The following LGI2 variants were observed in gnomAD, a reference collection of about 807,000 sequenced individuals.
The protein encoded by LGI2 is leucine-rich repeat LGI family member 2.
Under a neutral mutation model 52.0 loss-of-function variants are expected in LGI2, and 30 were observed. The observed-to-expected ratio is 0.58, with a 90% CI of 0.43 to 0.78. The LOEUF is 0.78. LGI2 is among the 30% of genes least tolerant of loss of function. LGI2 has a pLI of 0.00. For synonymous variants in LGI2, 270 were observed against 271.8 expected, an observed-to-expected ratio of 0.99 and a Z score of 0.06; for missense variants, 573 against 692.5, an observed-to-expected ratio of 0.83 and a Z score of 1.94.
intron 7 of LGI2, among the ~76,000 whole-genome samples, chr4:25,010,495 A>T (rs1725544388): frequency 1.3e-5 from 2 of 152,302 alleles, no homozygotes; most frequent in Non-Finnish European, 1.5e-5. Context: ...CTCAATCCTC[A>T]TAGCATCCAC....
chr4:25,018,859 C>T (rs1725856717), intron 5 of LGI2, among the ~76,000 whole-genome samples: 2 of 146,674 alleles, frequency 1.4e-5, no homozygotes, highest in Admixed American at 1.3e-4. Context: ...AAGACTACAT[C>T]TAAAAAAAAA....
chr4:25,011,484 C>T (rs1471649160), intron 7 of LGI2, among the ~76,000 whole-genome samples: 1 of 152,028 alleles, frequency 6.6e-6, no homozygotes, highest in Non-Finnish European at 1.5e-5. Flanking sequence ...TCCCTGCCTC[C>T]CCACATCCCT....
chr4:25,022,298 A>G (rs566875665), intron 4 of LGI2, among the ~76,000 whole-genome samples: 2 of 152,330 alleles, frequency 1.3e-5, no homozygotes, highest in South Asian at 4.1e-4. Flanking sequence ...GAAAAGGCAG[A>G]TGAGAGAGAG....
At chr4:25,009,393 T>C (rs1425457048) in intron 7 of LGI2, among the ~76,000 whole-genome samples, 1 of 152,144 alleles carries the variant, frequency 6.6e-6, no homozygotes, top group Non-Finnish European at 1.5e-5. Context: ...ACAGGTCTTA[T>C]TCAAGTAGCA....
intron 4 of LGI2, among the ~76,000 whole-genome samples, chr4:25,021,912 CAG>C (rs1218853905): frequency 1.6e-5 from 2 of 122,456 alleles, no homozygotes; most frequent in African/African-American, 6.7e-5. Flanking sequence ...GCCTAGGTAG[CAG>C]AGAGAGATTC....
chr4:25,017,182 C>T (rs1293592614), intron 6 of LGI2, among the ~76,000 whole-genome samples: 1 of 151,930 alleles, frequency 6.6e-6, no homozygotes, highest in Non-Finnish European at 1.5e-5. Flanking sequence ...TCTATTTTGC[C>T]ATTGGTTATA....
rs140661572 is a variant in LGI2, at chr4:25,025,890, T to C, written c.341+978A>G. Reference sequence around the variant, plus strand: ...ATGAACTATCGTAAGAGAAAACTCATAGCTTTACAACTGCTACCTCCATTG... The same window carrying C: ...ATGAACTATCGTAAGAGAAAACTCACAGCTTTACAACTGCTACCTCCATTG... On this transcript the variant is annotated intron_variant, in intron 3 of 7. Transcript: ENST00000382114. Among the ~76,000 whole-genome samples, 695 of 152,294 alleles carry C rather than the reference T, an allele frequency of 4.6e-3. 5 individuals carry two copies. The highest frequency in any genetic ancestry group is 0.016 in the African/African-American group (651 of 41,560).
rs761373892 is a variant in LGI2, at chr4:25,030,639, CCAG to C, written c.52_54del (p.Leu18del). The C allele has an allele frequency of 1.2e-3, 1,804 of 1,495,190 alleles. No individual in the cohort carries two copies. The highest frequency in any genetic ancestry group is 4.1e-3 in the East Asian group (159 of 39,114). The allele number at this position is 1,495,190 out of a possible 1,614,324, so 92.6% of individuals were successfully genotyped here. The stretch of plus-strand genomic sequence containing the variant: ...CTCCGCGGTATCAGGCACGCGGCGC[CCAG>C]CAGCAGCAGCAGCAGCCCGAGCGCT... On this transcript the variant is annotated inframe_deletion, in exon 1 of 8. Transcript: ENST00000382114.
downstream of LGI2, among the ~76,000 whole-genome samples, chr4:24,997,198 T>C (rs951297808): frequency 6.6e-6 from 1 of 152,202 alleles, no homozygotes; most frequent in Non-Finnish European, 1.5e-5. Context: ...CAGAAACCAG[T>C]TGCAAGGACA....
At chr4:25,027,864 G>A (rs1163573717) in intron 2 of LGI2, among the ~76,000 whole-genome samples, 1 of 152,196 alleles carries the variant, frequency 6.6e-6, no homozygotes, top group Non-Finnish European at 1.5e-5. Context: ...GGCACAACAT[G>A]AGCATCACCA....
At position 25,008,553 on chromosome 4, in the gene LGI2, C is replaced by CAA. The variant is rs33920247; in HGVS notation, c.820+3780_820+3781dup. On this transcript the variant is annotated intron_variant, in intron 7 of 7. Transcript: ENST00000382114. ...GGGTGACAAGAGTGAGACTCTGTCT[C>CAA]AAAAAAAAAAAAAAAAAAAAAATCC... Among the ~76,000 whole-genome samples the CAA allele has an allele frequency of 7.1e-3, 610 of 85,902 alleles. 12 individuals carry two copies. The highest frequency in any genetic ancestry group is 0.025 in the East Asian group (71 of 2,852). 56.4% of individuals were successfully genotyped at this position (85,902 alleles called of 152,430 possible). A position where few individuals can be genotyped will look rare whatever the true frequency, so the allele number is the denominator to read the frequency against.
At chr4:24,994,098 A>C (rs1229052157), downstream of LGI2, among the ~76,000 whole-genome samples, 1 of 152,220 alleles carries the variant, frequency 6.6e-6, no homozygotes, top group African/African-American at 2.4e-5. Flanking sequence ...AAAGCTGACA[A>C]AACAGCAAAT....
chr4:24,997,684 C>T (rs898320773), downstream of LGI2, among the ~76,000 whole-genome samples: 20 of 152,092 alleles, frequency 1.3e-4, no homozygotes, highest in African/African-American at 3.6e-4. Context: ...GTTTGGTTGA[C>T]GCCTGTGGTG....
Position 25,026,850 on chromosome 4 carries a change from A to T in LGI2, c.341+18T>A, listed in dbSNP as rs34396934. Reference sequence around the variant, plus strand: ...AAGATACCGAATGTTCAGCAAATAGACAAAGCACAAAACTTACAGGTATTC... The same window carrying T: ...AAGATACCGAATGTTCAGCAAATAGTCAAAGCACAAAACTTACAGGTATTC... On this transcript the variant is annotated intron_variant, in intron 3 of 7. Transcript: ENST00000382114. 1 of 1,589,254 alleles carries T rather than the reference A, an allele frequency of 6.3e-7. No individual in the cohort carries two copies. Among genetic ancestry groups the T allele is most frequent in the Admixed American group, 1.7e-5 (1 of 59,984 alleles).
At chr4:25,021,691 G>A (rs1047581842) in intron 4 of LGI2, among the ~76,000 whole-genome samples, 4 of 152,114 alleles carry the variant, frequency 2.6e-5, no homozygotes, top group African/African-American at 9.7e-5. Flanking sequence ...CAACACTTTG[G>A]GAGGCCGAGG....
Position 25,004,250 on chromosome 4 carries a change from C to G in LGI2, c.839G>C (p.Cys280Ser). Residue 280 changes from cysteine (C) to serine (S), a missense_variant, in exon 8 of 8, where the codon TGT (cysteine) becomes TCT (serine). Coordinates refer to ENST00000382114, the MANE Select transcript of LGI2 (RefSeq NM_018176.4). The surrounding 1 kb of genome is among the most constrained non-coding windows in gnomAD (Gnocchi z 4.6). ...CTGATCATCGATGAGAATGGCCTTACAGCCCACGATGGACTGACCTGTGCT... is the reference window on the plus strand; with the variant it reads ...CTGATCATCGATGAGAATGGCCTTAGAGCCCACGATGGACTGACCTGTGCT... ...DNITGQSIVG[C>S]KAILIDDQVF... 6.2e-7 allele frequency: 1 copy of G among 1,613,636 alleles called. No homozygotes were observed. Among genetic ancestry groups the G allele is most frequent in the Non-Finnish European group, 8.5e-7 (1 of 1,179,836 alleles).
intron 6 of LGI2, among the ~76,000 whole-genome samples, chr4:25,017,185 T>G (rs1270544603): frequency 6.6e-6 from 1 of 152,164 alleles, no homozygotes; most frequent in East Asian, 1.9e-4. Flanking sequence ...ATTTTGCCAT[T>G]GGTTATAATT....
chr4:25,028,569 T>C lies in LGI2; in HGVS notation c.207A>G (p.Val69=). The change falls in exon 2 of 8, where the codon GTA becomes GTG. Residue 69 remains valine (V), a synonymous_variant. Transcript: ENST00000382114. ...CCTTGATTTCTGAAAACGTCCCATT[T>C]ACCAGGCTCCTACGGGCAAAAGATG... ...VPGDISSLSL[V]NGTFSEIKDR... is the part of the protein sequence containing the mutation. The C allele has an allele frequency of 1.2e-6, 2 of 1,613,006 alleles. No individual in the cohort carries two copies. The highest frequency in any genetic ancestry group is 1.7e-6 in the Non-Finnish European group (2 of 1,179,602).
Position 25,004,218 on chromosome 4 carries a change from C to T in LGI2, c.871G>A (p.Val291Met). ...CCACCGAAGAGCTGGGCTACCACCA[C>T]AAAGACCTGATCATCGATGAGAATG... ...KAILIDDQVF[V>M]VVAQLFGGSH... The change falls in exon 8 of 8, where the codon GTG becomes ATG. Residue 291 changes from valine (V) to methionine (M), a missense_variant. Coordinates refer to ENST00000382114, the MANE Select transcript of LGI2 (RefSeq NM_018176.4). The surrounding 1 kb of genome is among the most constrained non-coding windows in gnomAD (Gnocchi z 4.6). 1 of 1,614,114 alleles carries T rather than the reference C, an allele frequency of 6.2e-7. No homozygotes were observed. Among genetic ancestry groups the T allele is most frequent in the Non-Finnish European group, 8.5e-7 (1 of 1,180,010 alleles).
Sources: allele counts gnomAD v4.1 joint callset (sites outside exome capture counted in the v4.1 genomes callset), GRCh38; gene constraint gnomAD v4.1.1; non-coding constraint Gnocchi (gnomAD v3.1); transcripts MANE v1.5; gene names NCBI Gene and HGNC (gene_info 2026-07-23, HGNC 2026-07-21).